Variants in GRID2 observed in about 807,000 individuals in gnomAD.
The protein encoded by GRID2 is glutamate ionotropic receptor delta type subunit 2.
GRID2 carries 33 observed loss-of-function variants against 114.8 expected under a neutral mutation model. The ratio of observed to expected loss-of-function variants is 0.29; its 90% CI spans 0.22 to 0.38. GRID2 has a LOEUF of 0.38. Ranked by LOEUF, GRID2 falls within the 10% of genes least tolerant of loss-of-function variation. GRID2 has a pLI of 1.00. For synonymous variants in GRID2, 505 were observed against 449.9 expected, an observed-to-expected ratio of 1.12 and a Z score of -1.55; for missense variants, 1,184 against 1,257.7, an observed-to-expected ratio of 0.94 and a Z score of 0.89.
intron 2 of GRID2, among the ~76,000 whole-genome samples, chr4:92,758,446 C>T (rs1395242233): frequency 6.6e-6 from 1 of 151,998 alleles, no homozygotes; most frequent in Non-Finnish European, 1.5e-5. Flanking sequence ...TTATGTGGGT[C>T]CTCATAGTCT....
At chr4:93,703,098 T>A (rs1444032894) in intron 14 of GRID2, among the ~76,000 whole-genome samples, 1 of 152,156 alleles carries the variant, frequency 6.6e-6, no homozygotes, top group Non-Finnish European at 1.5e-5. Flanking sequence ...AAGGTAAAAA[T>A]TTGTCTCATT....
chr4:92,597,566 G>T (rs1729014453), intron 2 of GRID2, among the ~76,000 whole-genome samples: 1 of 152,140 alleles, frequency 6.6e-6, no homozygotes, highest in South Asian at 2.1e-4. Context: ...GTCTTTAGCA[G>T]CGTTCTGTGA....
chr4:93,749,860 T>A (rs1484487228), intron 14 of GRID2, among the ~76,000 whole-genome samples: 2 of 152,212 alleles, frequency 1.3e-5, no homozygotes, highest in African/African-American at 4.8e-5. Context: ...CACTCCCTTA[T>A]GCCTGAGTTT....
chr4:93,637,316 A>G (rs1045234216), intron 14 of GRID2, among the ~76,000 whole-genome samples: 1 of 152,178 alleles, frequency 6.6e-6, no homozygotes, highest in African/African-American at 2.4e-5. Flanking sequence ...TATTATTAGT[A>G]GCTTTATTTT....
chr4:93,458,152 G>A (rs913774232), intron 11 of GRID2, among the ~76,000 whole-genome samples: 1 of 152,158 alleles, frequency 6.6e-6, no homozygotes, highest in African/African-American at 2.4e-5. Context: ...GATAAGGAGT[G>A]ACTATAAATG....
chr4:93,485,934 T>C (rs1560670455), intron 11 of GRID2, among the ~76,000 whole-genome samples: 1 of 151,668 alleles, frequency 6.6e-6, no homozygotes, highest in African/African-American at 2.4e-5. Flanking sequence ...ACTGACTGAA[T>C]CTATAGATCA....
rs912535968 is a variant in GRID2, at chr4:93,525,876, T to C, written c.2193+10465T>C. Among the ~76,000 whole-genome samples, 4 of 152,186 alleles carry C rather than the reference T, an allele frequency of 2.6e-5. No individual in the cohort carries two copies. In the South Asian group the frequency reaches 6.2e-4, roughly 24 times the overall value. Reference sequence around the variant, plus strand: ...CCAGGATGAAAAAAGAATAGATTGATGCATCTTTGTTTCCTGCTGGTTGCA... The same window carrying C: ...CCAGGATGAAAAAAGAATAGATTGACGCATCTTTGTTTCCTGCTGGTTGCA... On this transcript the variant is annotated intron_variant, in intron 13 of 15. Transcript: ENST00000282020.
intron 2 of GRID2, among the ~76,000 whole-genome samples, chr4:93,021,411 CAT>C (rs1309169674): frequency 8.0e-5 from 12 of 149,600 alleles, no homozygotes; most frequent in Non-Finnish European, 1.8e-4. Flanking sequence ...AGTTATTTAA[CAT>C]ATTTCTATTA....
chr4:93,250,185 G>A (rs1466245167), intron 8 of GRID2, among the ~76,000 whole-genome samples: 2 of 152,112 alleles, frequency 1.3e-5, no homozygotes, highest in Non-Finnish European at 2.9e-5. Context: ...ATGAGTTCAC[G>A]TCCTTTGTAG....
At chr4:92,954,038 A>G (rs773785389) in intron 2 of GRID2, among the ~76,000 whole-genome samples, 4 of 152,130 alleles carry the variant, frequency 2.6e-5, no homozygotes, top group Non-Finnish European at 5.9e-5. Flanking sequence ...CAGTTTTCTC[A>G]TTGGTTTAAC....
chr4:92,579,832 G>T (rs1465002629), intron 1 of GRID2, among the ~76,000 whole-genome samples: 2 of 150,388 alleles, frequency 1.3e-5, no homozygotes, highest in Admixed American at 6.7e-5. Flanking sequence ...TTTAGAAATT[G>T]ATTTTTCTTA....
At chr4:93,174,531 C>A (rs1164221560) in intron 4 of GRID2, among the ~76,000 whole-genome samples, 1 of 152,036 alleles carries the variant, frequency 6.6e-6, no homozygotes, top group Non-Finnish European at 1.5e-5. Context: ...AGCTTTAACC[C>A]CCGATATGAC....
At position 92,713,018 on chromosome 4, in the gene GRID2, T is replaced by C. The variant is rs113352060; in HGVS notation, c.244+122732T>C. 1.3e-3 allele frequency among the ~76,000 whole-genome samples: 194 copies of C among 151,930 alleles called. 1 individual carries two copies. Among genetic ancestry groups the C allele is most frequent in the African/African-American group, 4.5e-3 (186 of 41,458 alleles). ...TTTCTTTTTTTTTTTTATTATACTT[T>C]AAGTTTTAGGGTACATGTGCACAAC... On this transcript the variant is annotated intron_variant, in intron 2 of 15. Transcript: ENST00000282020.
chr4:93,756,784 A>G (rs1476750729), intron 14 of GRID2, among the ~76,000 whole-genome samples: 1 of 152,232 alleles, frequency 6.6e-6, no homozygotes, highest in Non-Finnish European at 1.5e-5. Context: ...TACGTCCATG[A>G]CAAATCAAGT....
intron 13 of GRID2, among the ~76,000 whole-genome samples, chr4:93,601,199 G>C (rs1352107113): frequency 6.6e-6 from 1 of 152,106 alleles, no homozygotes; most frequent in African/African-American, 2.4e-5. Context: ...AATTGGATTT[G>C]GATTAAATAT....
At chr4:93,340,207 A>G (rs1759503631) in intron 8 of GRID2, among the ~76,000 whole-genome samples, 3 of 148,564 alleles carry the variant, frequency 2.0e-5, no homozygotes, top group South Asian at 4.2e-4. Flanking sequence ...ATTCTATGAC[A>G]TAATTTGATA....
chr4:92,354,990 A>G (rs1728246800), intron 1 of GRID2, among the ~76,000 whole-genome samples: 1 of 151,946 alleles, frequency 6.6e-6, no homozygotes, highest in South Asian at 2.1e-4. Context: ...TTGTTTTAAG[A>G]TCTTTACATG....
intron 1 of GRID2, among the ~76,000 whole-genome samples, chr4:92,352,800 G>A (rs77306772): frequency 0.025 from 3,789 of 149,098 alleles, 81 homozygotes; most frequent in East Asian, 0.11. Context: ...TTCTTTGTCT[G>A]TTCTGGATGG....
chr4:92,304,986 G>A (rs1195295984), intron 1 of GRID2, among the ~76,000 whole-genome samples: 1 of 152,152 alleles, frequency 6.6e-6, no homozygotes, highest in African/African-American at 2.4e-5. Flanking sequence ...GGATGCGTGG[G>A]GGTCTCGAGT....
Sources: gnomAD v4.1 joint callset for allele counts (sites outside exome capture counted in the v4.1 genomes callset) on GRCh38, gnomAD v4.1.1 for gene constraint, MANE v1.5 for transcripts, NCBI Gene and HGNC (gene_info 2026-07-23, HGNC 2026-07-21) for gene names.